NHLRC2: variants seen among roughly 807,000 people sequenced by gnomAD.
The protein encoded by NHLRC2 is NHL repeat-containing protein 2.
Under a neutral mutation model 68.1 loss-of-function variants are expected in NHLRC2, and 33 were observed. The ratio of observed to expected loss-of-function variants is 0.48; its 90% CI spans 0.37 to 0.65. NHLRC2 has a LOEUF of 0.65. Among genes scored for constraint, NHLRC2 ranks in the 30% least tolerant of loss-of-function variants. NHLRC2 has a pLI of 0.00. For missense variants in NHLRC2, 761 were observed against 853.8 expected, an observed-to-expected ratio of 0.89 and a Z score of 1.35; for synonymous variants, 311 against 309.6, an observed-to-expected ratio of 1.00 and a Z score of -0.05.
intron 2 of NHLRC2, among the ~76,000 whole-genome samples, chr10:113,873,850 C>T (rs1845952872): frequency 6.6e-6 from 1 of 152,168 alleles, no homozygotes; most frequent in African/African-American, 2.4e-5. Context: ...ATCTACAACC[C>T]TTATATTCTT....
In NHLRC2 at chr10:113,908,390, A is replaced by G. The variant is rs113108393; in HGVS notation, c.2035A>G (p.Ile679Val). The G allele has an allele frequency of 2.7e-3, 4,294 of 1,614,150 alleles. 79 individuals are homozygous for G. The East Asian group carries it at 0.044, about 16-fold the overall frequency. ...IPDDCLSLEA[I>V]VSVSVFLYYC... ...TGATGATTGCTTATCACTTGAAGCC[A>G]TTGTATCTGTCAGTGTGTTTCTTTA... The change falls in exon 11 of 11, where the codon ATT becomes GTT. Residue 679 changes from isoleucine (I) to valine (V), a missense_variant. Physicochemically the swap from Ile to Val is conservative, Grantham distance 29. Transcript: ENST00000369301.
At chr10:113,866,023 T>A (rs1360252460) in intron 2 of NHLRC2, among the ~76,000 whole-genome samples, 1 of 152,260 alleles carries the variant, frequency 6.6e-6, no homozygotes, top group Non-Finnish European at 1.5e-5. Context: ...CTGCTCATTT[T>A]ACCATAAAGC....
rs1418451792 is a variant in NHLRC2 at position 113,876,825 on chromosome 10, A to G, written c.636A>G (p.Lys212=). The G allele has an allele frequency of 6.2e-7, 1 of 1,612,998 alleles. No homozygotes were observed. The highest frequency in any genetic ancestry group is 2.2e-5 in the East Asian group (1 of 44,850). Residue 212 remains lysine, a synonymous_variant, in exon 3 of 11, where the codon AAA becomes AAG. Coordinates refer to ENST00000369301, the MANE Select transcript of NHLRC2 (RefSeq NM_198514.4). ...GQIRDNKIGI[K]LYKDSLPPSP... Reference sequence around the variant, plus strand: ...TCAGAGATAATAAAATTGGAATAAAACTCTATAAAGATTCTTTGCCACCTT... The same window carrying G: ...TCAGAGATAATAAAATTGGAATAAAGCTCTATAAAGATTCTTTGCCACCTT...
chr10:113,863,669 C>T (rs915236779), intron 2 of NHLRC2, among the ~76,000 whole-genome samples: 1 of 152,062 alleles, frequency 6.6e-6, no homozygotes, highest in African/African-American at 2.4e-5. Flanking sequence ...AATTTGGGTA[C>T]AACCAACCAA....
chr10:113,874,442 TTGTGTGTGTGTGTGTGTGTGTGTGTGTG>T (rs58207579), intron 2 of NHLRC2, among the ~76,000 whole-genome samples: 2 of 125,650 alleles, frequency 1.6e-5, no homozygotes, highest in Non-Finnish European at 1.7e-5. Flanking sequence ...AGGCATGTGT[TTGTGTGTGTGTGTGTGTGTGTGTGTGTG>T]TGTGTGTGTG....
chr10:113,863,130 A>C (rs1425970033), intron 2 of NHLRC2, among the ~76,000 whole-genome samples: 1 of 152,224 alleles, frequency 6.6e-6, no homozygotes, highest in Non-Finnish European at 1.5e-5. Context: ...TATACCCAAT[A>C]TATACAGGAC....
intron 8 of NHLRC2, 113 bp downstream of exon 8, chr10:113,902,706 A>G: frequency 1.1e-6 from 1 of 912,804 alleles, no homozygotes; most frequent in South Asian, 1.5e-5. Flanking sequence ...AAGGAGTAAC[A>G]GTCTTTGACA....
Position 113,854,663 on chromosome 10 carries a change from TTTAA to T in NHLRC2, c.-206_-203del, listed in dbSNP as rs1370976785. 5.3e-5 allele frequency: 28 copies of T among 526,396 alleles called. No homozygotes were observed. The highest frequency in any genetic ancestry group is 1.9e-4 in the East Asian group (6 of 31,648). 32.6% of individuals were successfully genotyped at this position (526,396 alleles called of 1,614,324 possible). A position where few individuals can be genotyped will look rare whatever the true frequency, so the allele number is the denominator to read the frequency against. ...AGGGGCGGGGTGGGTCGGACGGCAG[TTTAA>T]TTACGTCCCCGGGAACTGCGCCGAT... On this transcript the variant is annotated 5_prime_UTR_variant, in exon 1 of 11. Coordinates refer to ENST00000369301, the MANE Select transcript of NHLRC2 (RefSeq NM_198514.4).
At chr10:113,878,952 G>T (rs778704156) in intron 3 of NHLRC2, among the ~76,000 whole-genome samples, 3 of 152,194 alleles carry the variant, frequency 2.0e-5, no homozygotes, top group Non-Finnish European at 2.9e-5. Context: ...GCTGGCCATG[G>T]AAATAATAGT....
intron 1 of NHLRC2, among the ~76,000 whole-genome samples, chr10:113,855,943 C>G (rs897639003): frequency 2.0e-5 from 3 of 152,198 alleles, no homozygotes; most frequent in African/African-American, 7.2e-5. Flanking sequence ...GAGGTTAAGT[C>G]ACATGCCCAG....
rs1169108158 is a variant in NHLRC2 at position 113,871,015 on chromosome 10, C to CTTT, written c.332-5482_332-5480dup. Among the ~76,000 whole-genome samples, 47 of 65,752 alleles carry CTTT rather than the reference C, an allele frequency of 7.1e-4. 3 individuals are homozygous for CTTT. The highest frequency in any genetic ancestry group is 2.8e-3 in the African/African-American group (42 of 14,996). 43.1% of individuals were successfully genotyped at this position (65,752 alleles called of 152,430 possible). A position where few individuals can be genotyped will look rare whatever the true frequency, so the allele number is the denominator to read the frequency against. ...TGTTAATTATTCTTGCTTCCTGCAT[C>CTTT]TTTTTTTTTTTTTTTTTTTTTTTTT... On this transcript the variant is annotated intron_variant, in intron 2 of 10. Coordinates refer to ENST00000369301, the MANE Select transcript of NHLRC2 (RefSeq NM_198514.4).
chr10:113,866,609 C>CT (rs1554899919), intron 2 of NHLRC2, among the ~76,000 whole-genome samples: 3 of 151,804 alleles, frequency 2.0e-5, no homozygotes, highest in Non-Finnish European at 4.4e-5. Flanking sequence ...ATAGTATATG[C>CT]TTTTTTCTGT....
chr10:113,903,658 T>A lies in NHLRC2; in HGVS notation c.1626T>A (p.Asn542Lys), dbSNP rs780308376. Reference sequence around the variant, plus strand: ...CAGGAGGCTTGTGTATTGGAGAGAATGGAGAATTATTATATGTAGCAGACA... The same window carrying A: ...CAGGAGGCTTGTGTATTGGAGAGAAAGGAGAATTATTATATGTAGCAGACA... ...NEPGGLCIGE[N>K]GELLYVADTN... is the part of the protein sequence containing the mutation. Residue 542 changes from asparagine to lysine, a missense_variant, in exon 9 of 11, where the codon AAT (asparagine) becomes AAA (lysine). By Grantham distance (94) the Asn-to-Lys change is moderately conservative. Transcript: ENST00000369301. 1.9e-6 allele frequency: 3 copies of A among 1,605,822 alleles called. No individual in the cohort carries two copies. Among genetic ancestry groups the A allele is most frequent in the South Asian group, 1.1e-5 (1 of 90,904 alleles).
chr10:113,899,917 T>TA (rs556245602), intron 6 of NHLRC2, among the ~76,000 whole-genome samples: 2,141 of 146,112 alleles, frequency 0.015, 48 homozygotes, highest in African/African-American at 0.048. Flanking sequence ...AGACTCCGTT[T>TA]AAAAAAAAAA....
chr10:113,882,148 A>T (rs1454913861), intron 4 of NHLRC2, among the ~76,000 whole-genome samples: 2 of 151,774 alleles, frequency 1.3e-5, no homozygotes, highest in African/African-American at 4.8e-5. Context: ...GGCTGTTATG[A>T]ATAATCTTGC....
chr10:113,896,215 G>A (rs574196176), intron 5 of NHLRC2, among the ~76,000 whole-genome samples: 3 of 152,130 alleles, frequency 2.0e-5, no homozygotes, highest in East Asian at 1.9e-4. Context: ...ACACATGCAC[G>A]TGTATGTTTA....
chr10:113,866,580 T>C (rs1845869385), intron 2 of NHLRC2, among the ~76,000 whole-genome samples: 1 of 152,164 alleles, frequency 6.6e-6, no homozygotes. Context: ...TACTATTGAG[T>C]AAATGCTAGT....
At chr10:113,908,144 C>T (rs1482168698) in intron 10 of NHLRC2, 136 bp from the exon 11 acceptor site, 27 of 650,244 alleles carry the variant, frequency 4.2e-5, no homozygotes, top group Non-Finnish European at 6.9e-5. Context: ...TTATGTCCTT[C>T]CCACAGACCG....
intron 2 of NHLRC2, among the ~76,000 whole-genome samples, chr10:113,864,737 TAAC>T (rs1564850551): frequency 6.6e-6 from 1 of 151,518 alleles, no homozygotes; most frequent in African/African-American, 2.4e-5. Flanking sequence ...AATGGGTTTT[TAAC>T]AACTATTTTA....
Sources: gnomAD v4.1 joint callset for allele counts (sites outside exome capture counted in the v4.1 genomes callset) on GRCh38, gnomAD v4.1.1 for gene constraint, MANE v1.5 for transcripts, NCBI Gene and HGNC (gene_info 2026-07-23, HGNC 2026-07-21) for gene names.